Variants in TMEM178B observed in about 807,000 individuals in gnomAD.
TMEM178B encodes transmembrane protein 178B.
Under a neutral mutation model 31.0 loss-of-function variants are expected in TMEM178B, and 5 were observed. The observed-to-expected ratio is 0.16, with a 90% CI of 0.08 to 0.34. The LOEUF (loss-of-function observed/expected upper bound fraction) is 0.34, where lower values mean the gene tolerates loss of function less well. Ranked by LOEUF, TMEM178B falls within the 10% of genes least tolerant of loss-of-function variation. TMEM178B has a pLI of 1.00. For missense variants in TMEM178B, 275 were observed against 400.3 expected (o/e 0.69, Z 2.67); for synonymous variants, 164 against 164.0 (o/e 1.00, Z 0.00).
chr7:141,343,525 C>CTTTTTTTTT (rs11442055), intron 2 of TMEM178B, among the ~76,000 whole-genome samples: 12 of 87,002 alleles, frequency 1.4e-4, no homozygotes, highest in East Asian at 3.8e-4. Flanking sequence ...ATGGGAGCAC[C>CTTTTTTTTT]TTTTTTTTTT....
chr7:141,174,964 A>C (rs1796404051), intron 1 of TMEM178B, among the ~76,000 whole-genome samples: 1 of 152,174 alleles, frequency 6.6e-6, no homozygotes, highest in Non-Finnish European at 1.5e-5. Flanking sequence ...TCTTTAGTTT[A>C]ATCAGATCCC....
chr7:141,405,747 G>A (rs1800874450), intron 2 of TMEM178B, among the ~76,000 whole-genome samples: 1 of 152,190 alleles, frequency 6.6e-6, no homozygotes, highest in Non-Finnish European at 1.5e-5. Context: ...CTACAAAAAA[G>A]GAGGAGGCAG....
chr7:141,421,222 A>G (rs1025316995), intron 2 of TMEM178B, among the ~76,000 whole-genome samples: 4 of 152,200 alleles, frequency 2.6e-5, no homozygotes, highest in African/African-American at 9.7e-5. Context: ...TCATGCTTCT[A>G]AATTAGAAAA....
At chr7:141,155,780 A>C (rs1324788384) in intron 1 of TMEM178B, among the ~76,000 whole-genome samples, 1 of 152,160 alleles carries the variant, frequency 6.6e-6, no homozygotes, top group African/African-American at 2.4e-5. Context: ...TTAACAAATA[A>C]GGGGTCGGGC....
chr7:141,254,207 G>A (rs566406697), intron 2 of TMEM178B, among the ~76,000 whole-genome samples: 1 of 152,272 alleles, frequency 6.6e-6, no homozygotes, highest in East Asian at 1.9e-4. Context: ...CTGAGGATGG[G>A]GCCATCCCAC....
At chr7:141,327,616 C>T (rs967737722) in intron 2 of TMEM178B, among the ~76,000 whole-genome samples, 4 of 152,106 alleles carry the variant, frequency 2.6e-5, no homozygotes, top group African/African-American at 9.7e-5. Flanking sequence ...TGCTTGGTTT[C>T]TATGTGTCCC....
chr7:141,322,169 C>T (rs745821053), intron 2 of TMEM178B, among the ~76,000 whole-genome samples: 2 of 152,004 alleles, frequency 1.3e-5, no homozygotes, highest in African/African-American at 2.4e-5. Flanking sequence ...TTATCATTAA[C>T]AATAATGATG....
chr7:141,469,180 T>G (rs1802196209), intron 3 of TMEM178B, among the ~76,000 whole-genome samples: 1 of 152,226 alleles, frequency 6.6e-6, no homozygotes, highest in Admixed American at 6.5e-5. Flanking sequence ...GCTCATTTGC[T>G]CAAAGAAATG....
intron 1 of TMEM178B, among the ~76,000 whole-genome samples, chr7:141,186,165 T>C (rs567013076): frequency 6.6e-6 from 1 of 152,192 alleles, no homozygotes; most frequent in South Asian, 2.1e-4. Flanking sequence ...GTTCAGTGTA[T>C]AGTTAAAGAG....
intron 2 of TMEM178B, among the ~76,000 whole-genome samples, chr7:141,248,270 G>T (rs556167394): frequency 7.9e-5 from 12 of 152,252 alleles, no homozygotes; most frequent in Admixed American, 7.8e-4. Context: ...AGTTAGTCAG[G>T]TGTGGTGGCA....
intron 3 of TMEM178B, among the ~76,000 whole-genome samples, chr7:141,469,469 G>A (rs769238872): frequency 6.6e-6 from 1 of 152,102 alleles, no homozygotes; most frequent in Non-Finnish European, 1.5e-5. Flanking sequence ...AAAGAAACTT[G>A]GCTGTTAGAA....
chr7:141,398,166 G>A (rs1478020883), intron 2 of TMEM178B, among the ~76,000 whole-genome samples: 1 of 152,154 alleles, frequency 6.6e-6, no homozygotes, highest in Non-Finnish European at 1.5e-5. Flanking sequence ...GGTTAAGGGC[G>A]ATATCAAAAG....
the TMEM178B span, among the ~76,000 whole-genome samples, chr7:141,488,405 A>G: frequency 6.6e-6 from 1 of 151,952 alleles, no homozygotes; most frequent in Non-Finnish European, 1.5e-5. Context: ...ATCCTATTGG[A>G]TATTGCATGG....
chr7:141,106,850 C>G (rs561019876), intron 1 of TMEM178B, among the ~76,000 whole-genome samples: 8 of 152,300 alleles, frequency 5.3e-5, no homozygotes, highest in East Asian at 3.9e-4. Context: ...AGGCACTGTT[C>G]TAGGCATCCA....
chr7:141,503,261 C>A, the TMEM178B span, among the ~76,000 whole-genome samples: 1 of 152,186 alleles, frequency 6.6e-6, no homozygotes, highest in Non-Finnish European at 1.5e-5. Context: ...ATTGCACAAG[C>A]CCACAAGTAG....
intron 2 of TMEM178B, among the ~76,000 whole-genome samples, chr7:141,245,595 T>C (rs1232159010): frequency 6.6e-6 from 1 of 152,214 alleles, no homozygotes; most frequent in Non-Finnish European, 1.5e-5. Context: ...CTGAGAATCC[T>C]CTCCTGCAAA....
intron 2 of TMEM178B, among the ~76,000 whole-genome samples, chr7:141,241,284 A>G (rs1797614332): frequency 6.6e-6 from 1 of 151,856 alleles, no homozygotes; most frequent in Non-Finnish European, 1.5e-5. Context: ...CCAACATTAC[A>G]GATTATTTAG....
intron 2 of TMEM178B, among the ~76,000 whole-genome samples, chr7:141,242,744 C>T (rs1797647299): frequency 6.6e-6 from 1 of 151,862 alleles, no homozygotes; most frequent in Non-Finnish European, 1.5e-5. Context: ...AGTTTCACCA[C>T]ATTGGCCAGG....
chr7:141,257,144 A>G (rs960898793), intron 2 of TMEM178B, among the ~76,000 whole-genome samples: 3 of 152,252 alleles, frequency 2.0e-5, no homozygotes, highest in African/African-American at 7.2e-5. Flanking sequence ...AGGAAACCCA[A>G]GAGATTGATG....
Sources: allele counts gnomAD v4.1 joint callset (sites outside exome capture counted in the v4.1 genomes callset), GRCh38; gene constraint gnomAD v4.1.1; transcripts MANE v1.5; gene names NCBI Gene and HGNC (gene_info 2026-07-23, HGNC 2026-07-21).